Variants in BORCS5 observed in about 807,000 individuals in gnomAD.
BORCS5 encodes the protein BLOC-1 related complex subunit 5, also known as BLOC-1-related complex subunit 5.
In BORCS5, 17 loss-of-function variants were observed where a neutral mutation model predicts 22.1. The ratio of observed to expected loss-of-function variants is 0.77; its 90% CI spans 0.53 to 1.15. The LOEUF is 1.15. Ranked by LOEUF, BORCS5 falls within the 50% of genes most tolerant of loss-of-function variation. The pLI, the probability that BORCS5 is intolerant of heterozygous loss-of-function variation, is 0.00. For synonymous variants in BORCS5, 117 were observed against 99.8 expected (o/e 1.17, Z -1.03); for missense variants, 247 against 253.2 (o/e 0.98, Z 0.17).
chr12:12,408,940 T>C (rs1048755664), intron 2 of BORCS5, among the ~76,000 whole-genome samples: 1 of 152,220 alleles, frequency 6.6e-6, no homozygotes, highest in African/African-American at 2.4e-5. Context: ...TTTGATTCTT[T>C]TGGGTATATA....
chr12:12,453,413 C>G (rs1380976700), intron 3 of BORCS5, among the ~76,000 whole-genome samples: 2 of 152,198 alleles, frequency 1.3e-5, no homozygotes, highest in Non-Finnish European at 2.9e-5. Context: ...CTTGCAGACT[C>G]AGCTACCACC....
chr12:12,441,951 G>C (rs1942691647), intron 3 of BORCS5, among the ~76,000 whole-genome samples: 2 of 152,110 alleles, frequency 1.3e-5, no homozygotes, highest in Admixed American at 1.3e-4. Context: ...CTCTGATTTG[G>C]GGGATTTCCT....
intron 3 of BORCS5, among the ~76,000 whole-genome samples, chr12:12,451,834 C>T (rs182756206): frequency 0.017 from 2,601 of 151,002 alleles, 64 homozygotes; most frequent in South Asian, 0.059. Flanking sequence ...AGGAGAATGG[C>T]GTGAACCCAG....
At chr12:12,372,035 A>G (rs968705993) in intron 2 of BORCS5, among the ~76,000 whole-genome samples, 3 of 151,932 alleles carry the variant, frequency 2.0e-5, no homozygotes, top group Non-Finnish European at 1.5e-5. Context: ...GAGTACTTCA[A>G]TTTTATTTTA....
intron 2 of BORCS5, among the ~76,000 whole-genome samples, chr12:12,419,666 G>A (rs1592109415): frequency 6.6e-6 from 1 of 152,178 alleles, no homozygotes; most frequent in East Asian, 1.9e-4. Context: ...CACCAACGGT[G>A]TAAAAGTGTT....
At chr12:12,361,904 T>G (rs1043690472) in intron 2 of BORCS5, among the ~76,000 whole-genome samples, 9 of 152,218 alleles carry the variant, frequency 5.9e-5, no homozygotes, top group Non-Finnish European at 1.3e-4. Context: ...CCAATTAGCA[T>G]ATACTGTGGT....
At chr12:12,451,412 C>CA (rs888980268) in intron 3 of BORCS5, among the ~76,000 whole-genome samples, 1 of 152,080 alleles carries the variant, frequency 6.6e-6, no homozygotes, top group African/African-American at 2.4e-5. Context: ...GTGATCCATA[C>CA]AAAACACCAA....
intron 2 of BORCS5, among the ~76,000 whole-genome samples, chr12:12,410,710 G>T (rs1435477148): frequency 6.6e-6 from 1 of 152,146 alleles, no homozygotes; most frequent in Non-Finnish European, 1.5e-5. Flanking sequence ...GGCAACACGG[G>T]CTCTTTTTTG....
chr12:12,436,463 A>G (rs1310525664), intron 3 of BORCS5, among the ~76,000 whole-genome samples: 1 of 152,262 alleles, frequency 6.6e-6, no homozygotes, highest in African/African-American at 2.4e-5. Context: ...TTCTAGGGGC[A>G]TAAAGGAATA....
At chr12:12,459,904 T>C (rs1441020379) in intron 3 of BORCS5, among the ~76,000 whole-genome samples, 2 of 152,220 alleles carry the variant, frequency 1.3e-5, no homozygotes, top group Non-Finnish European at 2.9e-5. Context: ...GATCTGTGTG[T>C]CTCTATGCCA....
At chr12:12,414,074 T>A (rs1259697070) in intron 2 of BORCS5, among the ~76,000 whole-genome samples, 4 of 63,266 alleles carry the variant, frequency 6.3e-5, no homozygotes, top group African/African-American at 1.7e-4. Flanking sequence ...TCCCCCCACA[T>A]CCCTCCCGGA....
At chr12:12,437,536 C>T (rs1051868207) in intron 3 of BORCS5, among the ~76,000 whole-genome samples, 1 of 152,110 alleles carries the variant, frequency 6.6e-6, no homozygotes, top group Non-Finnish European at 1.5e-5. Flanking sequence ...AAAACTAGTC[C>T]CATATAAAGA....
chr12:12,414,621 C>G (rs1305409198), intron 2 of BORCS5, among the ~76,000 whole-genome samples: 3 of 100,830 alleles, frequency 3.0e-5, no homozygotes, highest in Non-Finnish European at 6.2e-5. Context: ...TCCTCACTTC[C>G]CAGTAGGGGC....
rs1037692233 is a variant in BORCS5, at chr12:12,366,375, T to C, written c.202+5026T>C. Among the ~76,000 whole-genome samples the C allele has an allele frequency of 3.3e-5, 5 of 152,356 alleles. No homozygotes were observed. In the East Asian group the frequency reaches 9.6e-4, roughly 29 times the overall value. On this transcript the variant is annotated intron_variant, in intron 2 of 3. Coordinates refer to ENST00000314565, the MANE Select transcript of BORCS5 (RefSeq NM_058169.6). ...ATGACTGAGGTAATGTTTGCATTTTTAATAAGCAAGCAGATTCTTTCTTTG... is the reference window on the plus strand; with the variant it reads ...ATGACTGAGGTAATGTTTGCATTTTCAATAAGCAAGCAGATTCTTTCTTTG...
At chr12:12,460,498 T>C (rs1398361324) in intron 3 of BORCS5, among the ~76,000 whole-genome samples, 1 of 152,250 alleles carries the variant, frequency 6.6e-6, no homozygotes, top group East Asian at 1.9e-4. Context: ...ATTTATTGCA[T>C]TGGCTACTGC....
intron 2 of BORCS5, among the ~76,000 whole-genome samples, chr12:12,389,731 C>A (rs1332950748): frequency 3.3e-5 from 5 of 152,254 alleles, no homozygotes; most frequent in Admixed American, 1.3e-4. Flanking sequence ...GCAAGCTCTG[C>A]CTTTCGGGTT....
intron 2 of BORCS5, among the ~76,000 whole-genome samples, chr12:12,414,205 G>T (rs1941841306): frequency 2.1e-5 from 2 of 96,760 alleles, no homozygotes; most frequent in Non-Finnish European, 4.4e-5. Flanking sequence ...GCCAGGCGGG[G>T]GGCTGACCCC....
chr12:12,408,819 T>G (rs1161894687), intron 2 of BORCS5, among the ~76,000 whole-genome samples: 1 of 152,224 alleles, frequency 6.6e-6, no homozygotes, highest in Non-Finnish European at 1.5e-5. Context: ...AATGCCTCAT[T>G]TTGCTTATCC....
chr12:12,401,263 C>T (rs151016787), intron 2 of BORCS5, among the ~76,000 whole-genome samples: 100 of 152,084 alleles, frequency 6.6e-4, no homozygotes, highest in Non-Finnish European at 1.2e-3. Context: ...GCTCTTTTAT[C>T]GCCTTACTAG....
Sources: gnomAD v4.1 joint callset for allele counts (sites outside exome capture counted in the v4.1 genomes callset) on GRCh38, gnomAD v4.1.1 for gene constraint, MANE v1.5 for transcripts, NCBI Gene and HGNC (gene_info 2026-07-23, HGNC 2026-07-21) for gene names.